Variants in LY75 observed in about 807,000 individuals in gnomAD.
LY75 encodes the protein C-type lectin domain family 13 member B.
LY75 carries 185 observed loss-of-function variants against 231.7 expected under a neutral mutation model. The observed-to-expected ratio is 0.80, with a 90% CI of 0.71 to 0.90. The LOEUF is 0.90. Ranked by LOEUF, LY75 falls within the 40% of genes least tolerant of loss-of-function variation. The pLI is 0.00. For missense variants in LY75, 1,947 were observed against 2,050.2 expected, an observed-to-expected ratio of 0.95 and a Z score of 0.97; for synonymous variants, 668 against 689.0, an observed-to-expected ratio of 0.97 and a Z score of 0.48.
intron 8 of LY75, 67 bp from the exon 9 acceptor site, chr2:159,879,436 C>A (rs1394082601): frequency 4.4e-6 from 7 of 1,587,760 alleles, no homozygotes; most frequent in Non-Finnish European, 6.0e-6. Flanking sequence ...GAACTGAACT[C>A]ACAAAAACTA....
chr2:159,852,417 T>C, intron 20 of LY75, 77 bp from the exon 21 acceptor site: 1 of 1,448,540 alleles, frequency 6.9e-7, no homozygotes, highest in East Asian at 2.4e-5. Context: ...TGTGTGTTTT[T>C]TTTTGTTTTT....
At chr2:159,831,474 C>T (rs912754944) in intron 28 of LY75, among the ~76,000 whole-genome samples, 196 bp downstream of exon 28, 4 of 152,088 alleles carry the variant, frequency 2.6e-5, no homozygotes, top group African/African-American at 9.7e-5. Context: ...TTATTTTCCG[C>T]CATTTAACTT....
chr2:159,810,340 T>A (rs936292341), intron 32 of LY75, among the ~76,000 whole-genome samples, 186 bp downstream of exon 32: 1 of 152,010 alleles, frequency 6.6e-6, no homozygotes, highest in Admixed American at 6.6e-5. Context: ...AATATTTCAT[T>A]GAGTTCCTAT....
At chr2:159,805,608 A>G (rs1682768496) in intron 34 of LY75, among the ~76,000 whole-genome samples, 3 of 152,172 alleles carry the variant, frequency 2.0e-5, no homozygotes, top group South Asian at 2.1e-4. Flanking sequence ...TTTTTGACTT[A>G]CCTGGGGCTA....
intron 22 of LY75, 85 bp from the exon 23 acceptor site, chr2:159,850,225 C>T (rs1219284705): frequency 6.6e-7 from 1 of 1,508,058 alleles, no homozygotes; most frequent in Non-Finnish European, 8.8e-7. Flanking sequence ...TTTTGTTTAT[C>T]TATCAACATA....
chr2:159,904,725 G>A lies in LY75; in HGVS notation c.-43C>T. 2.9e-6 allele frequency: 4 copies of A among 1,377,894 alleles called. No homozygotes were observed. Among genetic ancestry groups the A allele is most frequent in the South Asian group, 1.6e-5 (1 of 60,664 alleles). The allele number at this position is 1,377,894 out of a possible 1,614,324, so 85.4% of individuals were successfully genotyped here. A position where few individuals can be genotyped will look rare whatever the true frequency, so the allele number is the denominator to read the frequency against. On this transcript the variant is annotated 5_prime_UTR_variant, in exon 1 of 35. Coordinates refer to ENST00000263636, the MANE Select transcript of LY75 (RefSeq NM_002349.4). ...CTTCCGGCCGGGTCCTCGGGCGCACGCGGCTCCCGCCCCGCCTGCTGAGCG... is the reference window on the plus strand; with the variant it reads ...CTTCCGGCCGGGTCCTCGGGCGCACACGGCTCCCGCCCCGCCTGCTGAGCG...
chr2:159,808,613 T>C (rs1682859777), intron 32 of LY75, 42 bp from the exon 33 acceptor site: 4 of 1,606,236 alleles, frequency 2.5e-6, no homozygotes, highest in Middle Eastern at 1.7e-4. Flanking sequence ...TTATGGAAAC[T>C]AGAGAAGTAG....
chr2:159,862,291 C>CAA (rs71000315), intron 14 of LY75, among the ~76,000 whole-genome samples: 97,172 of 123,114 alleles, frequency 0.79, 41,156 homozygotes, highest in Non-Finnish European at 0.94. Context: ...GACTACGTCT[C>CAA]AAAAAAAAAA....
chr2:159,842,409 G>A, intron 23 of LY75, 35 bp from the exon 24 acceptor site: 2 of 1,587,728 alleles, frequency 1.3e-6, no homozygotes, highest in Non-Finnish European at 8.6e-7. Flanking sequence ...ATGCAATCAT[G>A]TAACAATGGT....
intron 23 of LY75, among the ~76,000 whole-genome samples, chr2:159,842,596 T>G: frequency 6.6e-6 from 1 of 152,152 alleles, no homozygotes; most frequent in Non-Finnish European, 1.5e-5. Context: ...GATAAACATA[T>G]TTTTAAAGAG....
chr2:159,816,896 T>C lies in LY75; in HGVS notation c.4290A>G (p.Ala1430=). 2 of 1,614,200 alleles carry C rather than the reference T, an allele frequency of 1.2e-6. No individual in the cohort carries two copies. Among genetic ancestry groups the C allele is most frequent in the Non-Finnish European group, 1.7e-6 (2 of 1,180,020 alleles). Residue 1430 remains alanine, a synonymous_variant, in exon 30 of 35, where the codon GCA becomes GCG. Coordinates refer to ENST00000263636, the MANE Select transcript of LY75 (RefSeq NM_002349.4). The part of the protein sequence containing the change: ...NMCSQSGGHL[A]SVHNQNGQLF... ...GCTGGCCATTTTGGTTGTGAACGCT[T>C]GCCAAGTGACCTCCACTTTGAGAAC...
At chr2:159,876,410 A>G (rs549057181) in intron 11 of LY75, among the ~76,000 whole-genome samples, 14 of 152,322 alleles carry the variant, frequency 9.2e-5, no homozygotes, top group Non-Finnish European at 1.9e-4. Context: ...CTTCTATCCC[A>G]CCAAACAGAG....
intron 11 of LY75, among the ~76,000 whole-genome samples, chr2:159,877,082 G>A (rs1208568323): frequency 6.7e-6 from 1 of 150,214 alleles, no homozygotes; most frequent in Non-Finnish European, 1.5e-5. Flanking sequence ...ATCCATTAGA[G>A]TGTTCTTAAT....
intron 15 of LY75, among the ~76,000 whole-genome samples, chr2:159,858,801 C>T (rs747041087): frequency 8.5e-5 from 13 of 152,176 alleles, no homozygotes; most frequent in East Asian, 5.8e-4. Flanking sequence ...GATCAGAAAG[C>T]GACATAAAGG....
intron 24 of LY75, among the ~76,000 whole-genome samples, chr2:159,841,808 T>C (rs1006479581): frequency 6.6e-6 from 1 of 151,968 alleles, no homozygotes; most frequent in African/African-American, 2.4e-5. Flanking sequence ...ATCTGAAAAA[T>C]GCCAGAGTAG....
At chr2:159,840,019 AG>A (rs1464883713) in intron 25 of LY75, among the ~76,000 whole-genome samples, 6 of 146,950 alleles carry the variant, frequency 4.1e-5, no homozygotes, top group Non-Finnish European at 9.0e-5. Flanking sequence ...AAAAAAAAAA[AG>A]AAAAAGAAAA....
rs1377262104 is a variant in LY75, at chr2:159,874,566, A to ATGTACATATTTTG, written c.1974+877_1974+878insCAAAATATGTACA. Among the ~76,000 whole-genome samples the ATGTACATATTTTG allele has an allele frequency of 6.3e-4, 41 of 65,038 alleles. 6 individuals are homozygous for ATGTACATATTTTG. Among genetic ancestry groups the ATGTACATATTTTG allele is most frequent in the African/African-American group, 1.7e-3 (39 of 23,416 alleles). 42.7% of individuals were successfully genotyped at this position (65,038 alleles called of 152,430 possible). A position where few individuals can be genotyped will look rare whatever the true frequency, so the allele number is the denominator to read the frequency against. ...ATATGTACATATTTTGTAAATCTAT[A>ATGTACATATTTTG]TAAATATGTACATATTTTGTAAATA... On this transcript the variant is annotated intron_variant, in intron 12 of 34. Transcript: ENST00000263636.
chr2:159,808,296 T>C, intron 33 of LY75, 153 bp downstream of exon 33: 1 of 876,834 alleles, frequency 1.1e-6, no homozygotes, highest in South Asian at 5.2e-5. Context: ...ATTCAAAATT[T>C]ATAACCATCC....
At chr2:159,861,482 T>C (rs912659960) in intron 14 of LY75, among the ~76,000 whole-genome samples, 1 of 152,238 alleles carries the variant, frequency 6.6e-6, no homozygotes, top group Admixed American at 6.5e-5. Flanking sequence ...GCACAGTGAC[T>C]CATGCTGGTA....
Sources: gnomAD v4.1 joint callset for allele counts (sites outside exome capture counted in the v4.1 genomes callset) on GRCh38, gnomAD v4.1.1 for gene constraint, MANE v1.5 for transcripts, NCBI Gene and HGNC (gene_info 2026-07-23, HGNC 2026-07-21) for gene names.